Variants in EFNA5 observed in about 807,000 individuals in gnomAD.
EFNA5 encodes ephrin-A5.
In EFNA5, 5 loss-of-function variants were observed where a neutral mutation model predicts 22.9. The observed-to-expected ratio is 0.22, with a 90% CI of 0.11 to 0.46. The LOEUF is 0.46. EFNA5 is among the 20% of genes least tolerant of loss of function. The pLI, the probability that EFNA5 is intolerant of heterozygous loss-of-function variation, is 0.99. For missense variants in EFNA5, 237 were observed against 293.3 expected (o/e 0.81, Z 1.40); for synonymous variants, 113 against 112.2 (o/e 1.01, Z -0.04).
chr5:107,474,475 A>C (rs1750225478), intron 1 of EFNA5, among the ~76,000 whole-genome samples: 1 of 152,078 alleles, frequency 6.6e-6, no homozygotes, highest in African/African-American at 2.4e-5. Flanking sequence ...CTAGTATGTA[A>C]AAATTTCCCA....
rs754669041 is a variant in EFNA5 at position 107,381,305 on chromosome 5, G to A, written c.637C>T (p.Arg213Cys). The A allele has an allele frequency of 5.6e-6, 9 of 1,614,060 alleles. No homozygotes were observed. The highest frequency in any genetic ancestry group is 4.4e-5 in the South Asian group (4 of 91,074). ...AGGAACAGTAGGATTGCCAAAAGGC[G>A]GCTGGGTATCCTTGGTGTTTGTGCC... The part of the protein sequence containing the change: ...NAAQTPRIPS[R>C]LLAILLFLLA... The change falls in exon 5 of 5, where the codon CGC (arginine) becomes TGC (cysteine). Residue 213 changes from arginine (R) to cysteine (C), a missense_variant. Physicochemically the swap from Arg to Cys is radical, Grantham distance 180 (BLOSUM62 -3). This residue lies in a region of EFNA5 where 104 missense variants were observed against 114.5 expected (regional missense o/e 0.91). Coordinates refer to ENST00000333274, the MANE Select transcript of EFNA5 (RefSeq NM_001962.3).
intron 1 of EFNA5, among the ~76,000 whole-genome samples, chr5:107,582,313 T>G (rs1749088523): frequency 6.6e-6 from 1 of 152,236 alleles, no homozygotes; most frequent in Non-Finnish European, 1.5e-5. Context: ...CTACTTGTAT[T>G]CATGAATTGT....
At chr5:107,527,274 C>G (rs1324757858) in intron 1 of EFNA5, among the ~76,000 whole-genome samples, 2 of 149,496 alleles carry the variant, frequency 1.3e-5, no homozygotes, top group East Asian at 1.9e-4. Flanking sequence ...TTTAAAACAA[C>G]CTTTTTTTCT....
chr5:107,470,716 T>A (rs1561400441), intron 1 of EFNA5, among the ~76,000 whole-genome samples: 1 of 152,180 alleles, frequency 6.6e-6, no homozygotes, highest in Non-Finnish European at 1.5e-5. Flanking sequence ...TAAACTAAAC[T>A]TTTTGAAATT....
intron 2 of EFNA5, among the ~76,000 whole-genome samples, chr5:107,419,795 G>C (rs528935225): frequency 6.6e-6 from 1 of 152,288 alleles, no homozygotes; most frequent in Non-Finnish European, 1.5e-5. Flanking sequence ...TAGAGAAGTT[G>C]ATGCTACAGT....
intron 1 of EFNA5, among the ~76,000 whole-genome samples, chr5:107,560,423 C>G (rs1171562462): frequency 6.6e-6 from 1 of 152,164 alleles, no homozygotes; most frequent in Non-Finnish European, 1.5e-5. Flanking sequence ...GTAGTCTCAA[C>G]CATAAAGAGC....
At chr5:107,415,479 T>C (rs1043554961) in intron 2 of EFNA5, among the ~76,000 whole-genome samples, 2 of 152,178 alleles carry the variant, frequency 1.3e-5, no homozygotes, top group African/African-American at 4.8e-5. Context: ...TATGCTGTTC[T>C]GATTCCTTAT....
In EFNA5 at chr5:107,591,999, A is replaced by AAT. The variant is rs1749368220; in HGVS notation, c.125+78488_125+78489dup. Among the ~76,000 whole-genome samples, 2 of 41,102 alleles carry AAT rather than the reference A, an allele frequency of 4.9e-5. 1 individual carries two copies. The highest frequency in any genetic ancestry group is 2.9e-4 in the African/African-American group (2 of 6,780). The allele number at this position is 41,102 out of a possible 152,430, so 27.0% of individuals were successfully genotyped here. ...ATAATATATAATATATAATATATAT[A>AAT]ATATATAATATATATAATATAATAT... is the stretch of plus-strand genomic sequence containing the variant. On this transcript the variant is annotated intron_variant, in intron 1 of 4. Coordinates refer to ENST00000333274, the MANE Select transcript of EFNA5 (RefSeq NM_001962.3).
At chr5:107,488,591 A>T (rs1178929482) in intron 1 of EFNA5, among the ~76,000 whole-genome samples, 1 of 152,240 alleles carries the variant, frequency 6.6e-6, no homozygotes, top group South Asian at 2.1e-4. Flanking sequence ...AGAGCACTCC[A>T]TTCAGAAGCT....
chr5:107,446,389 C>T (rs532942715), intron 1 of EFNA5, among the ~76,000 whole-genome samples: 1 of 152,230 alleles, frequency 6.6e-6, no homozygotes, highest in South Asian at 2.1e-4. Context: ...TTTCAACAGT[C>T]ATTATTACAT....
intron 1 of EFNA5, among the ~76,000 whole-genome samples, chr5:107,490,082 C>G (rs1039895525): frequency 6.6e-6 from 1 of 152,148 alleles, no homozygotes; most frequent in East Asian, 1.9e-4. Context: ...TTGCTTGAAC[C>G]ATGGGGGACC....
chr5:107,645,046 G>A (rs1750605335), intron 1 of EFNA5, among the ~76,000 whole-genome samples: 1 of 152,146 alleles, frequency 6.6e-6, no homozygotes, highest in South Asian at 2.1e-4. Context: ...TGTGTAGGAT[G>A]TGCAGGGTTT....
intron 1 of EFNA5, among the ~76,000 whole-genome samples, chr5:107,451,671 T>C (rs1749563500): frequency 6.6e-6 from 1 of 151,984 alleles, no homozygotes; most frequent in South Asian, 2.1e-4. Flanking sequence ...AAAAAGCATA[T>C]AAATTAAACA....
At chr5:107,571,244 T>C (rs1748797299) in intron 1 of EFNA5, among the ~76,000 whole-genome samples, 1 of 152,112 alleles carries the variant, frequency 6.6e-6, no homozygotes. Flanking sequence ...TGGGAATTGC[T>C]CCAGCACTGG....
Position 107,594,445 on chromosome 5 carries a change from C to T in EFNA5, c.125+76044G>A, listed in dbSNP as rs555198356. Among the ~76,000 whole-genome samples the T allele has an allele frequency of 1.5e-4, 23 of 152,266 alleles. 1 individual carries two copies. In the South Asian group the frequency reaches 2.3e-3, roughly 15 times the overall value. On this transcript the variant is annotated intron_variant, in intron 1 of 4. Coordinates refer to ENST00000333274, the MANE Select transcript of EFNA5 (RefSeq NM_001962.3). ...GAGGAGAGGAAAAACTGAGCCAGGT[C>T]ACTGCAGGGTGTGGCAGTGAGAGGT... is the stretch of plus-strand genomic sequence containing the variant.
intron 1 of EFNA5, among the ~76,000 whole-genome samples, chr5:107,502,624 C>T (rs1747161450): frequency 6.6e-6 from 1 of 152,188 alleles, no homozygotes; most frequent in African/African-American, 2.4e-5. Context: ...TACATACATA[C>T]TCAGGACGTG....
At chr5:107,412,078 G>A (rs1261274623) in intron 2 of EFNA5, among the ~76,000 whole-genome samples, 1 of 151,922 alleles carries the variant, frequency 6.6e-6, no homozygotes, top group Admixed American at 6.6e-5. Flanking sequence ...AAGTGTGATG[G>A]GTTAAAAAAA....
intron 1 of EFNA5, among the ~76,000 whole-genome samples, chr5:107,599,443 CAG>C (rs1749544274): frequency 6.6e-6 from 1 of 152,218 alleles, no homozygotes; most frequent in Admixed American, 6.5e-5. Flanking sequence ...ATAGAATACT[CAG>C]AAAACTAATA....
intron 1 of EFNA5, among the ~76,000 whole-genome samples, chr5:107,637,541 T>G (rs550060714): frequency 4.0e-5 from 6 of 151,584 alleles, no homozygotes; most frequent in African/African-American, 9.7e-5. Context: ...TGTGTGTGTG[T>G]GGGTTTGCTT....
Sources: gnomAD v4.1 joint callset for allele counts (sites outside exome capture counted in the v4.1 genomes callset) on GRCh38, gnomAD v4.1.1 for gene constraint, gnomAD v4.1.1 regional missense constraint, MANE v1.5 for transcripts, NCBI Gene and HGNC (gene_info 2026-07-23, HGNC 2026-07-21) for gene names.